MRPL3: variants seen among roughly 807,000 people sequenced by gnomAD.
MRPL3 encodes large ribosomal subunit protein uL3m.
MRPL3 carries 43 observed loss-of-function variants against 44.3 expected under a neutral mutation model. The observed-to-expected ratio is 0.97, with a 90% CI of 0.76 to 1.25. MRPL3 has a LOEUF of 1.25. MRPL3 is among the 50% of genes most tolerant of loss of function. The pLI is 0.00. For synonymous variants in MRPL3, 171 were observed against 152.3 expected (o/e 1.12, Z -0.91); for missense variants, 406 against 427.6 (o/e 0.95, Z 0.45).
intron 3 of MRPL3, among the ~76,000 whole-genome samples, chr3:131,499,729 T>TATAATAATA (rs35694649): frequency 7.3e-5 from 11 of 150,616 alleles, no homozygotes; most frequent in Admixed American, 2.0e-4. Flanking sequence ...AGTATCTTTC[T>TATAATAATA]ATAATAATAA....
chr3:131,472,466 A>C (rs970046797), intron 6 of MRPL3, among the ~76,000 whole-genome samples: 1 of 152,210 alleles, frequency 6.6e-6, no homozygotes, highest in African/African-American at 2.4e-5. Flanking sequence ...AGCTTGAAAC[A>C]ACAAAGGCCA....
chr3:131,479,056 T>C (rs765310144), intron 6 of MRPL3: 2 of 477,604 alleles, frequency 4.2e-6, no homozygotes, highest in Admixed American at 4.6e-5. Context: ...GTTTTTCAAT[T>C]AGAACCATTT....
Position 131,466,819 on chromosome 3 carries a change from T to C in MRPL3, c.894+1272A>G, listed in dbSNP as rs562722764. Reference sequence around the variant, plus strand: ...AGGATAACTAGCATATCCATTACTTTAAACATGTATCATTTCTTTTATGGT... The same window carrying C: ...AGGATAACTAGCATATCCATTACTTCAAACATGTATCATTTCTTTTATGGT... On this transcript the variant is annotated intron_variant, in intron 9 of 9. Coordinates refer to ENST00000264995, the MANE Select transcript of MRPL3 (RefSeq NM_007208.4). Among the ~76,000 whole-genome samples the C allele has an allele frequency of 1.6e-4, 24 of 152,230 alleles. 1 individual carries two copies. In the South Asian group the frequency reaches 5.0e-3, roughly 32 times the overall value.
Position 131,498,162 on chromosome 3 carries a change from T to C in MRPL3, c.468+17A>G, listed in dbSNP as rs778754205. 3.7e-5 allele frequency: 57 copies of C among 1,520,896 alleles called. No individual in the cohort carries two copies. Among genetic ancestry groups the C allele is most frequent in the Non-Finnish European group, 4.9e-5 (54 of 1,096,196 alleles). The allele number at this position is 1,520,896 out of a possible 1,614,324, so 94.2% of individuals were successfully genotyped here. A position where few individuals can be genotyped will look rare whatever the true frequency, so the allele number is the denominator to read the frequency against. ...GATGAAAAATGCAGTATTCTAGCTA[T>C]GAAAATACATCCTTACACGAAAACG... On this transcript the variant is annotated intron_variant, in intron 4 of 9. Coordinates refer to ENST00000264995, the MANE Select transcript of MRPL3 (RefSeq NM_007208.4).
intron 6 of MRPL3, among the ~76,000 whole-genome samples, chr3:131,484,773 T>C (rs187808017): frequency 2.0e-5 from 3 of 152,106 alleles, no homozygotes; most frequent in African/African-American, 7.2e-5. Context: ...CATTTAAAAT[T>C]AAAAGCACCT....
chr3:131,474,359 A>T (rs1182694670), intron 6 of MRPL3, among the ~76,000 whole-genome samples: 3 of 152,216 alleles, frequency 2.0e-5, no homozygotes, highest in African/African-American at 7.2e-5. Context: ...TCATAGAAGT[A>T]GAGAGTGCAA....
chr3:131,467,578 A>T (rs1933639891), intron 9 of MRPL3, among the ~76,000 whole-genome samples: 1 of 151,922 alleles, frequency 6.6e-6, no homozygotes, highest in South Asian at 2.1e-4. Context: ...GATCTTGTTT[A>T]AAAATGTGTA....
At chr3:131,477,880 C>T (rs1933891272) in intron 6 of MRPL3, among the ~76,000 whole-genome samples, 1 of 152,158 alleles carries the variant, frequency 6.6e-6, no homozygotes, top group Non-Finnish European at 1.5e-5. Flanking sequence ...CGCTCCTTTC[C>T]ATTGTCATCA....
chr3:131,488,549 C>CAAGAATAT (rs1195751441), intron 5 of MRPL3: 1 of 151,822 alleles, frequency 6.6e-6, no homozygotes, highest in Non-Finnish European at 1.5e-5. Flanking sequence ...GCTAGAAATT[C>CAAGAATAT]AAGAATATAA....
At chr3:131,479,832 G>A (rs1392604183) in intron 6 of MRPL3, among the ~76,000 whole-genome samples, 1 of 152,202 alleles carries the variant, frequency 6.6e-6, no homozygotes. Flanking sequence ...GCGAAAGAGC[G>A]AGACTCCGTC....
chr3:131,483,110 A>G (rs909319971), intron 6 of MRPL3, among the ~76,000 whole-genome samples: 2 of 151,992 alleles, frequency 1.3e-5, no homozygotes, highest in Non-Finnish European at 2.9e-5. Context: ...CACTATTTAT[A>G]CATTATAGCT....
At chr3:131,466,522 T>A (rs1933605013) in intron 9 of MRPL3, among the ~76,000 whole-genome samples, 1 of 152,148 alleles carries the variant, frequency 6.6e-6, no homozygotes. Context: ...TTTTTTCTTT[T>A]TTTTAAGAAA....
At chr3:131,501,910 C>G in intron 1 of MRPL3, 195 bp from the exon 2 acceptor site, 1 of 1,536,238 alleles carries the variant, frequency 6.5e-7, no homozygotes, top group Non-Finnish European at 8.7e-7. Flanking sequence ...CACATTTAAA[C>G]TGTTAGTCGT....
intron 4 of MRPL3, among the ~76,000 whole-genome samples, chr3:131,492,550 A>G (rs557952490): frequency 1.6e-4 from 25 of 152,242 alleles, no homozygotes; most frequent in African/African-American, 5.3e-4. Flanking sequence ...TTGCGCTCCT[A>G]TAAGAATCTA....
At chr3:131,484,341 T>C (rs1934063877) in intron 6 of MRPL3, among the ~76,000 whole-genome samples, 1 of 152,106 alleles carries the variant, frequency 6.6e-6, no homozygotes, top group East Asian at 1.9e-4. Context: ...AATCAGAAGT[T>C]CCGTGGGTGG....
chr3:131,497,219 T>G (rs925730926), intron 4 of MRPL3, among the ~76,000 whole-genome samples: 1 of 152,270 alleles, frequency 6.6e-6, no homozygotes, highest in Non-Finnish European at 1.5e-5. Context: ...CTCTGGTGTC[T>G]GTCGCTCTAC....
intron 2 of MRPL3, 93 bp from the exon 3 acceptor site, chr3:131,500,614 G>A: frequency 1.0e-6 from 1 of 968,412 alleles, no homozygotes; most frequent in Non-Finnish European, 1.6e-6. Flanking sequence ...GTTTCCGTAT[G>A]AGGAGCAGGC....
Position 131,487,604 on chromosome 3 carries a change from G to A in MRPL3, c.629+76C>T, listed in dbSNP as rs1459212600. ...CCTTTATTCACTGACTTGAAAGACT[G>A]TACTTCTTTCACTTATTCTATTCTC... On this transcript the variant is annotated intron_variant, in intron 6 of 9. Transcript: ENST00000264995. 6 of 1,110,016 alleles carry A rather than the reference G, an allele frequency of 5.4e-6. No homozygotes were observed. In the African/African-American group the frequency reaches 7.9e-5, roughly 15 times the overall value. The allele number at this position is 1,110,016 out of a possible 1,614,324, so 68.8% of individuals were successfully genotyped here.
intron 6 of MRPL3, among the ~76,000 whole-genome samples, chr3:131,474,105 T>C (rs1263707789): frequency 6.6e-6 from 1 of 152,170 alleles, no homozygotes; most frequent in African/African-American, 2.4e-5. Context: ...ATATCTTGTA[T>C]TTATTGAGCA....
Sources: gnomAD v4.1 joint callset for allele counts (sites outside exome capture counted in the v4.1 genomes callset) on GRCh38, gnomAD v4.1.1 for gene constraint, MANE v1.5 for transcripts, NCBI Gene and HGNC (gene_info 2026-07-23, HGNC 2026-07-21) for gene names.